PPM1L: variants seen among roughly 807,000 people sequenced by gnomAD.
PPM1L encodes protein phosphatase 1L.
Under a neutral mutation model 31.4 loss-of-function variants are expected in PPM1L, and 13 were observed. The observed-to-expected ratio is 0.41, with a 90% CI of 0.27 to 0.66. The LOEUF is 0.66. Among genes scored for constraint, PPM1L ranks in the 30% least tolerant of loss-of-function variants. PPM1L has a pLI of 0.29. For synonymous variants in PPM1L, 184 were observed against 175.4 expected (o/e 1.05, Z -0.39); for missense variants, 326 against 453.7 (o/e 0.72, Z 2.56).
chr3:160,769,275 G>T lies in PPM1L; in HGVS notation c.399+12568G>T, dbSNP rs189607229. Reference sequence around the variant, plus strand: ...GAGTGAGCCACATAGTTGGGAAGGGGGTTTAGAGAATGTTGCTTGTTCTGC... The same window carrying T: ...GAGTGAGCCACATAGTTGGGAAGGGTGTTTAGAGAATGTTGCTTGTTCTGC... On this transcript the variant is annotated intron_variant, in intron 1 of 3. Transcript: ENST00000498165. 5.4e-4 allele frequency among the ~76,000 whole-genome samples: 82 copies of T among 152,236 alleles called. 1 individual carries two copies. The East Asian group carries it at 9.7e-3, about 18-fold the overall frequency.
intron 1 of PPM1L, among the ~76,000 whole-genome samples, chr3:160,796,466 C>A (rs1471020740): frequency 6.6e-6 from 1 of 152,172 alleles, no homozygotes; most frequent in Non-Finnish European, 1.5e-5. Flanking sequence ...TTTGGGTGAT[C>A]TGAAAAGAAA....
chr3:160,756,610 G>A lies in PPM1L; in HGVS notation c.302G>A (p.Arg101Gln), dbSNP rs755845334. The A allele has an allele frequency of 1.2e-6, 2 of 1,614,130 alleles. No homozygotes were observed. Among genetic ancestry groups the A allele is most frequent in the Non-Finnish European group, 8.5e-7 (1 of 1,180,028 alleles). ...GTGGCGGTGTACTCCATCCAGGGCC[G>A]GAGAGACCACATGGAGGACCGCTTC... is the stretch of plus-strand genomic sequence containing the variant. ...HNVAVYSIQG[R>Q]RDHMEDRFEV... Residue 101 changes from arginine to glutamine, a missense_variant, in exon 1 of 4, where the codon CGG (arginine) becomes CAG (glutamine). Arg to Gln is a conservative substitution (Grantham distance 43). This residue lies in a region of PPM1L where 83 missense variants were observed against 79.4 expected (regional missense o/e 1.04). Coordinates refer to ENST00000498165, the MANE Select transcript of PPM1L (RefSeq NM_139245.4). This position sits in a 1 kb window ranked among gnomAD's most constrained non-coding sequence, Gnocchi z 6.2.
rs33923660 is a variant in PPM1L, at chr3:160,854,879, CA to C, written c.399+98190del. Among the ~76,000 whole-genome samples the C allele has an allele frequency of 8.8e-3, 840 of 95,594 alleles. 4 individuals carry two copies. The highest frequency in any genetic ancestry group is 0.037 in the East Asian group (130 of 3,554). 62.7% of individuals were successfully genotyped at this position (95,594 alleles called of 152,430 possible). A position where few individuals can be genotyped will look rare whatever the true frequency, so the allele number is the denominator to read the frequency against. On this transcript the variant is annotated intron_variant, in intron 1 of 3. Transcript: ENST00000498165. The stretch of plus-strand genomic sequence containing the variant: ...AACTATTCTAAAATTCATGTGGAAC[CA>C]AAAAAAAAAAAAAAAAAGAGTCCGA...
At chr3:161,037,915 G>A (rs1372794681) in intron 2 of PPM1L, among the ~76,000 whole-genome samples, 1 of 152,056 alleles carries the variant, frequency 6.6e-6, no homozygotes, top group Non-Finnish European at 1.5e-5. Context: ...TCTTCAGCAA[G>A]ACTGGGTCAC....
At chr3:160,841,062 C>T (rs190798733) in intron 1 of PPM1L, among the ~76,000 whole-genome samples, 2 of 152,286 alleles carry the variant, frequency 1.3e-5, no homozygotes, top group Non-Finnish European at 2.9e-5. Context: ...ATACATGAAC[C>T]TGGAATTGTC....
In PPM1L at chr3:160,945,747, G is replaced by C. The variant is rs147169444; in HGVS notation, c.400-15989G>C. 5.9e-3 allele frequency among the ~76,000 whole-genome samples: 897 copies of C among 152,178 alleles called. 12 individuals are homozygous for C. Among genetic ancestry groups the C allele is most frequent in the African/African-American group, 0.021 (854 of 41,522 alleles). On this transcript the variant is annotated intron_variant, in intron 1 of 3. Transcript: ENST00000498165. ...TTTCTTCTGCCTCTGTCAATCCTAA[G>C]ACAGCAAGACCAACTCCTCCTTTTT... is the stretch of plus-strand genomic sequence containing the variant.
intron 1 of PPM1L, among the ~76,000 whole-genome samples, chr3:160,800,066 C>T (rs1046537330): frequency 1.3e-5 from 2 of 151,994 alleles, no homozygotes; most frequent in South Asian, 2.1e-4. Flanking sequence ...TTTATTCATG[C>T]CACATTTTCC....
chr3:161,038,106 C>T (rs928306288), intron 2 of PPM1L, among the ~76,000 whole-genome samples: 11 of 150,760 alleles, frequency 7.3e-5, no homozygotes, highest in African/African-American at 1.7e-4. Flanking sequence ...TAGTGGCGGG[C>T]GCCTGTAGTC....
intron 1 of PPM1L, among the ~76,000 whole-genome samples, chr3:160,943,160 T>C (rs904167284): frequency 1.3e-5 from 2 of 152,158 alleles, no homozygotes; most frequent in African/African-American, 4.8e-5. Context: ...ACCAAGAGCT[T>C]CTCACAGCGA....
intron 1 of PPM1L, among the ~76,000 whole-genome samples, chr3:160,874,518 C>T (rs149460741): frequency 1.3e-5 from 2 of 152,270 alleles, no homozygotes; most frequent in East Asian, 1.9e-4. Flanking sequence ...TGATACACTG[C>T]GTGAAAACTA....
At chr3:160,796,926 G>C (rs1712266087) in intron 1 of PPM1L, among the ~76,000 whole-genome samples, 1 of 152,138 alleles carries the variant, frequency 6.6e-6, no homozygotes, top group Non-Finnish European at 1.5e-5. Flanking sequence ...GGATAATCTA[G>C]GGTAAACACA....
At chr3:160,805,615 G>A (rs1326530307) in intron 1 of PPM1L, among the ~76,000 whole-genome samples, 1 of 152,072 alleles carries the variant, frequency 6.6e-6, no homozygotes, top group Non-Finnish European at 1.5e-5. Context: ...CCAGCTACTC[G>A]GGAGGCTGAG....
intron 2 of PPM1L, among the ~76,000 whole-genome samples, chr3:161,020,541 A>G (rs1029122005): frequency 4.6e-5 from 7 of 152,188 alleles, no homozygotes; most frequent in Non-Finnish European, 7.3e-5. Context: ...ACCATAAGAT[A>G]CTGTTTTGCC....
At chr3:160,829,329 G>A (rs1345761522) in intron 1 of PPM1L, among the ~76,000 whole-genome samples, 2 of 151,874 alleles carry the variant, frequency 1.3e-5, no homozygotes, top group Non-Finnish European at 1.5e-5. Context: ...TGAGAGAATC[G>A]GATGAAACAA....
intron 2 of PPM1L, among the ~76,000 whole-genome samples, chr3:161,042,625 T>A (rs922889686): frequency 6.6e-6 from 1 of 152,332 alleles, no homozygotes; most frequent in African/African-American, 2.4e-5. Flanking sequence ...ACCTTTTACT[T>A]ATTAAAGAAC....
At chr3:161,060,057 G>C (rs1186923503) in intron 2 of PPM1L, among the ~76,000 whole-genome samples, 1 of 152,002 alleles carries the variant, frequency 6.6e-6, no homozygotes, top group Non-Finnish European at 1.5e-5. Context: ...TATATCTTGT[G>C]AAGTTTATAT....
At position 161,077,304 on chromosome 3, in the gene PPM1L, C is replaced by T. The variant is rs1720132842; in HGVS notation, c.*8147C>T. 1 of 152,062 alleles carries T rather than the reference C, an allele frequency of 6.6e-6. No homozygotes were observed. The highest frequency in any genetic ancestry group is 6.6e-5 in the Admixed American group (1 of 15,254). The allele number at this position is 152,062 out of a possible 1,614,324, so 9.4% of individuals were successfully genotyped here. ...TCCATTTTACTAGCTCACCTAGTTT[C>T]TGAAGGATGGGGTGGGGAGTGAGAC... On this transcript the variant is annotated 3_prime_UTR_variant, in exon 4 of 4. Transcript: ENST00000498165.
chr3:160,880,769 C>T (rs866969948), intron 1 of PPM1L, among the ~76,000 whole-genome samples: 3 of 152,206 alleles, frequency 2.0e-5, no homozygotes, highest in East Asian at 1.9e-4. Context: ...TAACACTGAC[C>T]CAATCAAATT....
chr3:160,840,848 CCTTT>C (rs1020555562), intron 1 of PPM1L, among the ~76,000 whole-genome samples: 3 of 151,684 alleles, frequency 2.0e-5, no homozygotes, highest in Non-Finnish European at 2.9e-5. Context: ...AACATATTTG[CCTTT>C]CTTTCTATCT....
Sources: allele counts gnomAD v4.1 joint callset (sites outside exome capture counted in the v4.1 genomes callset), GRCh38; gene constraint gnomAD v4.1.1; regional missense constraint gnomAD v4.1.1; non-coding constraint Gnocchi (gnomAD v3.1); transcripts MANE v1.5; gene names NCBI Gene and HGNC (gene_info 2026-07-23, HGNC 2026-07-21).